Variants in DPP10 observed in about 807,000 individuals in gnomAD.
The protein encoded by DPP10 is dipeptidyl peptidase like 10.
In DPP10, 33 loss-of-function variants were observed where a neutral mutation model predicts 120.9. That is an observed-to-expected ratio of 0.27 (90% CI 0.21 to 0.37). DPP10 has a LOEUF of 0.37. Among genes scored for constraint, DPP10 ranks in the 10% least tolerant of loss-of-function variants. DPP10 has a pLI of 1.00. For synonymous variants in DPP10, 337 were observed against 326.1 expected, an observed-to-expected ratio of 1.03 and a Z score of -0.36; for missense variants, 816 against 942.8, an observed-to-expected ratio of 0.87 and a Z score of 1.76.
At chr2:115,467,161 CAAT>C (rs1215445831) in intron 3 of DPP10, among the ~76,000 whole-genome samples, 4 of 152,024 alleles carry the variant, frequency 2.6e-5, no homozygotes, top group Non-Finnish European at 4.4e-5. Flanking sequence ...ACATAGATGA[CAAT>C]AAAAAGAAAT....
At chr2:114,496,000 TAGTC>T (rs1682483374) in intron 1 of DPP10, among the ~76,000 whole-genome samples, 1 of 152,220 alleles carries the variant, frequency 6.6e-6, no homozygotes, top group Non-Finnish European at 1.5e-5. Flanking sequence ...TCATTTGTAT[TAGTC>T]AGTGTCCAGT....
At chr2:115,798,658 G>T (rs772590976) in intron 19 of DPP10, among the ~76,000 whole-genome samples, 3 of 152,064 alleles carry the variant, frequency 2.0e-5, no homozygotes, top group Admixed American at 6.6e-5. Flanking sequence ...AAAAATTACA[G>T]GGCTTCTAGG....
chr2:114,861,126 G>T (rs1689777930), intron 1 of DPP10, among the ~76,000 whole-genome samples: 1 of 151,968 alleles, frequency 6.6e-6, no homozygotes, highest in African/African-American at 2.4e-5. Context: ...AAAATACTTA[G>T]GTCCAAAGAG....
At chr2:115,371,913 A>G (rs1008329051) in intron 3 of DPP10, among the ~76,000 whole-genome samples, 6 of 152,162 alleles carry the variant, frequency 3.9e-5, no homozygotes, top group African/African-American at 9.6e-5. Flanking sequence ...ATTAATACTT[A>G]TAAGAACTAT....
chr2:114,828,573 C>T (rs926309915), intron 1 of DPP10: 2 of 152,152 alleles, frequency 1.3e-5, no homozygotes, highest in African/African-American at 4.8e-5. Context: ...TGGAATAGCG[C>T]CTTCCATGAA....
At chr2:115,399,722 A>G (rs1004976422) in intron 3 of DPP10, among the ~76,000 whole-genome samples, 1 of 152,142 alleles carries the variant, frequency 6.6e-6, no homozygotes, top group Non-Finnish European at 1.5e-5. Context: ...AGGAAGGAAA[A>G]TTTTTATTTC....
intron 7 of DPP10, among the ~76,000 whole-genome samples, chr2:115,707,254 A>G (rs1219760682): frequency 1.3e-5 from 2 of 151,956 alleles, no homozygotes; most frequent in African/African-American, 4.8e-5. Context: ...CCAAATTGAC[A>G]TAATCGACTT....
chr2:114,537,452 T>C (rs1158797333), intron 1 of DPP10, among the ~76,000 whole-genome samples: 10 of 152,078 alleles, frequency 6.6e-5, no homozygotes, highest in Non-Finnish European at 1.3e-4. Flanking sequence ...CGTTTTCAAG[T>C]CGGCAAATTC....
chr2:115,516,983 G>A (rs1197682345), intron 4 of DPP10, among the ~76,000 whole-genome samples: 2 of 152,140 alleles, frequency 1.3e-5, no homozygotes, highest in Admixed American at 6.6e-5. Context: ...TGGAAAGACT[G>A]TGGAATAATA....
chr2:115,660,246 CT>C (rs1246565417), intron 5 of DPP10, among the ~76,000 whole-genome samples: 4 of 152,214 alleles, frequency 2.6e-5, no homozygotes, highest in South Asian at 2.1e-4. Context: ...ATTGTTGCTC[CT>C]TTTTTTCCCC....
chr2:115,406,044 C>G (rs2068486855), intron 3 of DPP10, among the ~76,000 whole-genome samples: 1 of 152,176 alleles, frequency 6.6e-6, no homozygotes, highest in Non-Finnish European at 1.5e-5. Context: ...CAGTTTTATT[C>G]TCTACCACAT....
chr2:114,835,644 T>C (rs1687673448), intron 1 of DPP10: 1 of 152,180 alleles, frequency 6.6e-6, no homozygotes, highest in Non-Finnish European at 1.5e-5. Flanking sequence ...TGAGACATGT[T>C]CTCAGTGGAG....
At chr2:115,289,504 AGG>A (rs1491229617) in intron 1 of DPP10, among the ~76,000 whole-genome samples, 197 of 6,686 alleles carry the variant, frequency 0.029, 2 homozygotes, top group African/African-American at 0.043. Context: ...AAAAAAAAAA[AGG>A]AAGAAAAGAA....
At chr2:114,480,600 C>A (rs1418126596) in intron 1 of DPP10, among the ~76,000 whole-genome samples, 1 of 150,932 alleles carries the variant, frequency 6.6e-6, no homozygotes, top group Non-Finnish European at 1.5e-5. Context: ...AGCAAACTAT[C>A]GCAAGGACAA....
At chr2:115,105,786 G>A (rs555127001) in intron 1 of DPP10, among the ~76,000 whole-genome samples, 2 of 152,226 alleles carry the variant, frequency 1.3e-5, no homozygotes, top group East Asian at 1.9e-4. Context: ...AATATGTATT[G>A]AAGCTAAGCA....
chr2:115,575,505 G>A (rs970230742), intron 5 of DPP10, among the ~76,000 whole-genome samples: 2 of 152,178 alleles, frequency 1.3e-5, no homozygotes, highest in Non-Finnish European at 2.9e-5. Flanking sequence ...TTCCTTGTAC[G>A]TACAGAAGCT....
At chr2:115,084,058 T>C (rs563666615) in intron 1 of DPP10, among the ~76,000 whole-genome samples, 14 of 152,284 alleles carry the variant, frequency 9.2e-5, no homozygotes, top group Non-Finnish European at 1.8e-4. Flanking sequence ...ACCTTTGTGA[T>C]CCTGTCAAAC....
chr2:115,114,070 A>G (rs975178497), intron 1 of DPP10, among the ~76,000 whole-genome samples: 1 of 152,192 alleles, frequency 6.6e-6, no homozygotes, highest in African/African-American at 2.4e-5. Context: ...ACTTGCTGCA[A>G]TGCTAGGACT....
At chr2:115,249,299 G>C (rs1462934328) in intron 1 of DPP10, among the ~76,000 whole-genome samples, 1 of 152,036 alleles carries the variant, frequency 6.6e-6, no homozygotes, top group African/African-American at 2.4e-5. Context: ...CATATATAGC[G>C]ATTAGGAAAA....
Sources: gnomAD v4.1 joint callset for allele counts (sites outside exome capture counted in the v4.1 genomes callset) on GRCh38, gnomAD v4.1.1 for gene constraint, MANE v1.5 for transcripts, NCBI Gene and HGNC (gene_info 2026-07-23, HGNC 2026-07-21) for gene names.